FAP: variants seen among roughly 807,000 people sequenced by gnomAD.
FAP encodes the protein prolyl endopeptidase FAP.
A neutral mutation model predicts 126.5 loss-of-function variants in FAP; 110 were observed. The observed-to-expected ratio is 0.87, with a 90% CI of 0.74 to 1.02. The LOEUF (loss-of-function observed/expected upper bound fraction) is 1.02, where lower values mean the gene tolerates loss of function less well. FAP is among the 50% of genes least tolerant of loss of function. FAP has a pLI of 0.00. For missense variants in FAP, 919 were observed against 909.2 expected (o/e 1.01, Z -0.14); for synonymous variants, 334 against 297.3 (o/e 1.12, Z -1.27).
At chr2:162,207,090 T>C (rs1269508918) in intron 12 of FAP, among the ~76,000 whole-genome samples, 20 of 152,220 alleles carry the variant, frequency 1.3e-4, no homozygotes, top group Non-Finnish European at 1.5e-5. Flanking sequence ...ATGTCTGAAA[T>C]ACATACACAT....
intron 6 of FAP, among the ~76,000 whole-genome samples, chr2:162,222,067 T>C (rs971593441): frequency 1.3e-5 from 2 of 152,212 alleles, no homozygotes; most frequent in African/African-American, 4.8e-5. Flanking sequence ...ATGTTTAATG[T>C]GATTTTAGGC....
chr2:162,200,293 G>A (rs1028895802), intron 15 of FAP, among the ~76,000 whole-genome samples: 3 of 152,204 alleles, frequency 2.0e-5, no homozygotes, highest in East Asian at 1.9e-4. Flanking sequence ...ACCTCTATAT[G>A]TACTTAAAGT....
intron 9 of FAP, 135 bp downstream of exon 9, chr2:162,217,851 C>T (rs1689212502): frequency 1.8e-6 from 1 of 562,500 alleles, no homozygotes; most frequent in Non-Finnish European, 3.1e-6. Flanking sequence ...TAATAGAGCA[C>T]AGTACAATGT....
At chr2:162,183,326 A>C in intron 21 of FAP, 88 bp downstream of exon 21, 1 of 1,006,884 alleles carries the variant, frequency 9.9e-7, no homozygotes, top group Non-Finnish European at 1.5e-6. Flanking sequence ...CAACATTAAC[A>C]TTTCATGAGA....
intron 19 of FAP, 89 bp from the exon 20 acceptor site, chr2:162,188,452 C>T (rs1400663623): frequency 2.7e-6 from 3 of 1,091,760 alleles, no homozygotes; most frequent in Non-Finnish European, 4.0e-6. Context: ...CTAGTAATTC[C>T]AGTACAATTA....
At chr2:162,189,955 C>T (rs771615481) in intron 17 of FAP, among the ~76,000 whole-genome samples, 1 of 151,974 alleles carries the variant, frequency 6.6e-6, no homozygotes, top group African/African-American at 2.4e-5. Context: ...ACATTTTAAT[C>T]ACTGTGTCTT....
intron 25 of FAP, chr2:162,171,587 A>G (rs932841292): frequency 6.5e-6 from 1 of 154,064 alleles, no homozygotes; most frequent in African/African-American, 2.4e-5. Context: ...TAAAAATAGC[A>G]TTTTTAAAAA....
At chr2:162,213,329 T>C (rs1485376783) in intron 11 of FAP, among the ~76,000 whole-genome samples, 2 of 151,210 alleles carry the variant, frequency 1.3e-5, no homozygotes, top group East Asian at 1.9e-4. Flanking sequence ...TGAGTCCAGA[T>C]TGCGCCACTG....
intron 20 of FAP, among the ~76,000 whole-genome samples, chr2:162,187,433 A>G (rs531273153): frequency 6.6e-6 from 1 of 152,202 alleles, no homozygotes; most frequent in South Asian, 2.1e-4. Context: ...CCTATTCATA[A>G]CATAATAATG....
Position 162,198,776 on chromosome 2 carries a change from G to A in FAP, c.1383C>T (p.Tyr461=). Residue 461 remains tyrosine (Y), a synonymous_variant, in exon 16 of 26, where the codon TAC becomes TAT. Transcript: ENST00000188790. The part of the protein sequence containing the change: ...YTASFSDYAK[Y]YALVCYGPGI... Reference sequence around the variant, plus strand: ...ACCTACCGTAGCAGACAAGTGCATAGTACTTGGCGTAGTCGCTGAAACTTG... The same window carrying A: ...ACCTACCGTAGCAGACAAGTGCATAATACTTGGCGTAGTCGCTGAAACTTG... 1 of 1,614,110 alleles carries A rather than the reference G, an allele frequency of 6.2e-7. No homozygotes were observed.
intron 14 of FAP, among the ~76,000 whole-genome samples, chr2:162,200,867 G>A (rs544209959): frequency 1.3e-5 from 2 of 152,072 alleles, no homozygotes; most frequent in Non-Finnish European, 1.5e-5. Context: ...GATTCATTAT[G>A]AGTCATGCAA....
chr2:162,175,041 A>G lies in FAP; in HGVS notation c.1870-75T>C, dbSNP rs1023071284. ...TCCTCCATATGTTTATAGCAACTCT[A>G]CTCACAATCCGGACTGAAGGGAGCT... On this transcript the variant is annotated intron_variant, in intron 21 of 25. Coordinates refer to ENST00000188790, the MANE Select transcript of FAP (RefSeq NM_004460.5). 1.1e-5 allele frequency: 11 copies of G among 1,039,640 alleles called. No homozygotes were observed. In the African/African-American group the frequency reaches 1.1e-4, roughly 10 times the overall value. 64.4% of individuals were successfully genotyped at this position (1,039,640 alleles called of 1,614,324 possible). A position where few individuals can be genotyped will look rare whatever the true frequency, so the allele number is the denominator to read the frequency against.
At chr2:162,229,197 A>G (rs1689790138) in intron 2 of FAP, among the ~76,000 whole-genome samples, 2 of 152,126 alleles carry the variant, frequency 1.3e-5, no homozygotes, top group African/African-American at 2.4e-5. Context: ...GCTATAATTA[A>G]TCTTCATTTT....
chr2:162,208,413 T>C (rs1345133430), intron 12 of FAP, among the ~76,000 whole-genome samples: 1 of 152,218 alleles, frequency 6.6e-6, no homozygotes, highest in African/African-American at 2.4e-5. Context: ...TTCTAAAGTG[T>C]TTCAGTGTTT....
chr2:162,232,652 T>C lies in FAP; in HGVS notation c.92-6031A>G, dbSNP rs573207171. Reference sequence around the variant, plus strand: ...TCTCAGCTCTAACAGCAATTTTCCATGGTTTTCTCTATGAACAATACTGAA... The same window carrying C: ...TCTCAGCTCTAACAGCAATTTTCCACGGTTTTCTCTATGAACAATACTGAA... On this transcript the variant is annotated intron_variant, in intron 2 of 25. Coordinates refer to ENST00000188790, the MANE Select transcript of FAP (RefSeq NM_004460.5). 1.2e-3 allele frequency among the ~76,000 whole-genome samples: 177 copies of C among 152,348 alleles called. 1 individual carries two copies. Among genetic ancestry groups the C allele is most frequent in the Non-Finnish European group, 2.0e-3 (138 of 68,036 alleles).
Position 162,195,076 on chromosome 2 carries a change from G to A in FAP, c.1403-328C>T, listed in dbSNP as rs1688201368. ...TGGCCTTCTGGGAAGATGTCATGCT[G>A]TATTGGGCCAGTTTTGGCTGTGTCT... is the stretch of plus-strand genomic sequence containing the variant. On this transcript the variant is annotated intron_variant, in intron 16 of 25. Coordinates refer to ENST00000188790, the MANE Select transcript of FAP (RefSeq NM_004460.5). 1.5e-5 allele frequency: 5 copies of A among 322,694 alleles called. No individual in the cohort carries two copies. In the South Asian group the frequency reaches 1.6e-4, roughly 10 times the overall value. 20.0% of individuals were successfully genotyped at this position (322,694 alleles called of 1,614,324 possible).
intron 2 of FAP, among the ~76,000 whole-genome samples, chr2:162,233,598 C>A (rs190363230): frequency 6.6e-6 from 1 of 152,098 alleles, no homozygotes; most frequent in Admixed American, 6.5e-5. Context: ...TGCCAGAATT[C>A]TTTGTATATT....
At chr2:162,177,049 GA>G (rs904939129) in intron 21 of FAP, among the ~76,000 whole-genome samples, 15 of 152,134 alleles carry the variant, frequency 9.9e-5, no homozygotes, top group African/African-American at 3.1e-4. Flanking sequence ...TGAAGAGGGG[GA>G]AAAAAGAAAA....
At chr2:162,187,107 A>G (rs1314651577) in intron 20 of FAP, among the ~76,000 whole-genome samples, 1 of 151,900 alleles carries the variant, frequency 6.6e-6, no homozygotes, top group South Asian at 2.1e-4. Context: ...TGGGTTATGG[A>G]CACCTTTCTA....
Sources: gnomAD v4.1 joint callset for allele counts (sites outside exome capture counted in the v4.1 genomes callset) on GRCh38, gnomAD v4.1.1 for gene constraint, MANE v1.5 for transcripts, NCBI Gene and HGNC (gene_info 2026-07-23, HGNC 2026-07-21) for gene names.